The following PIEZO2 variants were observed in gnomAD, a reference collection of about 807,000 sequenced individuals.
PIEZO2 encodes the protein piezo-type mechanosensitive ion channel component 2.
Under a neutral mutation model 337.3 loss-of-function variants are expected in PIEZO2, and 172 were observed. The observed-to-expected ratio is 0.51, with a 90% CI of 0.45 to 0.58. PIEZO2 has a LOEUF of 0.58. PIEZO2 is among the 20% of genes least tolerant of loss of function. The probability of loss-of-function intolerance (pLI) is 0.00; values close to 1 mark genes in which losing one functional copy is unlikely to be tolerated. For missense variants in PIEZO2, 3,028 were observed against 3,391.3 expected (o/e 0.89, Z 2.66); for synonymous variants, 1,251 against 1,228.5 (o/e 1.02, Z -0.38).
chr18:10,731,577 G>A (rs1367153297), intron 35 of PIEZO2, 56 bp from the exon 36 acceptor site: 2 of 1,117,304 alleles, frequency 1.8e-6, no homozygotes, highest in Non-Finnish European at 2.4e-6. Context: ...AAATAAAAGG[G>A]ACCTACACCA....
At chr18:10,926,703 A>C (rs2145166975) in intron 3 of PIEZO2, among the ~76,000 whole-genome samples, 1 of 152,320 alleles carries the variant, frequency 6.6e-6, no homozygotes, top group South Asian at 2.1e-4. Flanking sequence ...TTTTCTGCAC[A>C]CTTGGCAAAA....
intron 4 of PIEZO2, among the ~76,000 whole-genome samples, chr18:10,880,845 TCATATATATATA>T (rs2042391366): frequency 1.3e-5 from 1 of 75,868 alleles, no homozygotes; most frequent in African/African-American, 5.5e-5. Context: ...TTCCCACATA[TCATATATATATA>T]TATATATATA....
chr18:10,715,609 A>C (rs912543433), intron 38 of PIEZO2, 41 bp downstream of exon 38: 2 of 1,460,692 alleles, frequency 1.4e-6, no homozygotes, highest in Non-Finnish European at 1.8e-6. Context: ...ATGTCTTCTT[A>C]ATGTGGGAAG....
rs890561988 is a variant in PIEZO2, at chr18:10,940,699, T to C, written c.287-29471A>G. 5.9e-5 allele frequency among the ~76,000 whole-genome samples: 9 copies of C among 152,098 alleles called. No homozygotes were observed. The highest frequency in any genetic ancestry group is 1.5e-5 in the Non-Finnish European group (1 of 67,996). Reference sequence around the variant, plus strand: ...CAACATGGTGAAACCCTATCTCTACTAAAAAGACAAAAATTAGCTGGGCAT... The same window carrying C: ...CAACATGGTGAAACCCTATCTCTACCAAAAAGACAAAAATTAGCTGGGCAT... On this transcript the variant is annotated intron_variant, in intron 3 of 55. Coordinates refer to ENST00000674853, the MANE Select transcript of PIEZO2 (RefSeq NM_001378183.1). This position sits in a 1 kb window ranked among gnomAD's most constrained non-coding sequence, Gnocchi z 5.3.
At chr18:11,041,862 G>C (rs1445893863) in intron 2 of PIEZO2, among the ~76,000 whole-genome samples, 3 of 152,138 alleles carry the variant, frequency 2.0e-5, no homozygotes, top group African/African-American at 7.2e-5. Flanking sequence ...TACCACTTAG[G>C]GCAAAATGCA....
chr18:11,137,205 G>A (rs945676555), intron 1 of PIEZO2, among the ~76,000 whole-genome samples: 1 of 152,082 alleles, frequency 6.6e-6, no homozygotes, highest in Non-Finnish European at 1.5e-5. Context: ...CAACTGTTTT[G>A]TAAAATCCTG....
At chr18:10,840,591 T>A (rs2041159878) in intron 7 of PIEZO2, among the ~76,000 whole-genome samples, 1 of 152,106 alleles carries the variant, frequency 6.6e-6, no homozygotes, top group African/African-American at 2.4e-5. Flanking sequence ...ATACAAGTAA[T>A]CTATTTATAG....
rs555424241 is a variant in PIEZO2 at position 11,146,964 on chromosome 18, C to A, written c.64+1561G>T. Among the ~76,000 whole-genome samples the A allele has an allele frequency of 7.0e-4, 106 of 152,278 alleles. 2 individuals are homozygous for A. The Middle Eastern group carries it at 0.01, about 15-fold the overall frequency. On this transcript the variant is annotated intron_variant, in intron 1 of 55. Transcript: ENST00000674853. This position sits in a 1 kb window ranked among gnomAD's most constrained non-coding sequence, Gnocchi z 6.1. ...CCCCTCCCCGGTCTGCACTGAGGAC[C>A]ATAAATCACGCTTCATGCTAAAAGC...
chr18:10,949,863 A>G (rs756250181), intron 3 of PIEZO2, among the ~76,000 whole-genome samples: 3 of 152,222 alleles, frequency 2.0e-5, no homozygotes, highest in Non-Finnish European at 4.4e-5. Flanking sequence ...ACTGTCACTG[A>G]TAACAAGACC....
At chr18:10,760,799 C>T (rs2038094769) in intron 24 of PIEZO2, 112 bp downstream of exon 24, 1 of 851,102 alleles carries the variant, frequency 1.2e-6, no homozygotes, top group East Asian at 2.7e-5. Context: ...CTCAAGGGGA[C>T]AGCTATCATG....
intron 1 of PIEZO2, among the ~76,000 whole-genome samples, chr18:11,066,482 C>T (rs756202307): frequency 8.5e-5 from 13 of 152,082 alleles, no homozygotes; most frequent in Non-Finnish European, 1.6e-4. Flanking sequence ...AGGTAAAAGA[C>T]AAAACTATTG....
rs886458578 is a variant in PIEZO2, at chr18:11,009,674, C to T, written c.161-30014G>A. 1.3e-5 allele frequency among the ~76,000 whole-genome samples: 2 copies of T among 152,136 alleles called. No homozygotes were observed. Among genetic ancestry groups the T allele is most frequent in the Admixed American group, 1.3e-4 (2 of 15,270 alleles). ...GGTTAAATCGTGTCCCCTTCATATG[C>T]TAAGTTCATATGTCAAAGTCCTAAC... is the stretch of plus-strand genomic sequence containing the variant. On this transcript the variant is annotated intron_variant, in intron 2 of 55. Coordinates refer to ENST00000674853, the MANE Select transcript of PIEZO2 (RefSeq NM_001378183.1). The surrounding 1 kb of genome is among the most constrained non-coding windows in gnomAD (Gnocchi z 4.6).
rs112834202 is a variant in PIEZO2, at chr18:11,017,016, C to T, written c.161-37356G>A. 5.9e-5 allele frequency among the ~76,000 whole-genome samples: 9 copies of T among 152,302 alleles called. No homozygotes were observed. In the South Asian group the frequency reaches 1.9e-3, roughly 32 times the overall value. The stretch of plus-strand genomic sequence containing the variant: ...TAGAAACAGTCTCAGGTGGAAGAAC[C>T]AGGTACACCAGCCTGGAGAAAACCC... On this transcript the variant is annotated intron_variant, in intron 2 of 55. Coordinates refer to ENST00000674853, the MANE Select transcript of PIEZO2 (RefSeq NM_001378183.1).
chr18:10,770,513 A>C (rs1387146735), intron 20 of PIEZO2, among the ~76,000 whole-genome samples: 1 of 152,182 alleles, frequency 6.6e-6, no homozygotes, highest in Non-Finnish European at 1.5e-5. Context: ...ACTTGGAGGG[A>C]CAATGTGGCT....
chr18:11,021,577 A>C lies in PIEZO2; in HGVS notation c.161-41917T>G, dbSNP rs75695475. 0.021 allele frequency among the ~76,000 whole-genome samples: 3,238 copies of C among 152,254 alleles called. 112 individuals are homozygous for C. The highest frequency in any genetic ancestry group is 0.073 in the African/African-American group (3,049 of 41,530). ...CTTGTGAATTCGTGAGGAGGAACAC[A>C]GTCACCATCGTGAATGAAAACCACC... On this transcript the variant is annotated intron_variant, in intron 2 of 55. Transcript: ENST00000674853. This position sits in a 1 kb window ranked among gnomAD's most constrained non-coding sequence, Gnocchi z 4.7.
Position 10,800,473 on chromosome 18 carries a change from G to C in PIEZO2, c.1242C>G (p.Gly414=). 1 of 1,527,532 alleles carries C rather than the reference G, an allele frequency of 6.5e-7. No individual in the cohort carries two copies. Among genetic ancestry groups the C allele is most frequent in the Non-Finnish European group, 8.8e-7 (1 of 1,142,716 alleles). 94.6% of individuals were successfully genotyped at this position (1,527,532 alleles called of 1,614,324 possible). ...MTQDDYKPSD[G]LLVTVNGNPV... ...GGTTGCCGTTCACAGTCACCAGCAGGCCCTGCCGGGAGTGCAGAGAAAGGG... is the reference window on the plus strand; with the variant it reads ...GGTTGCCGTTCACAGTCACCAGCAGCCCCTGCCGGGAGTGCAGAGAAAGGG... The change falls in exon 11 of 56, where the codon GGC becomes GGG. Residue 414 remains glycine, a splice_region_variant and synonymous_variant. Transcript: ENST00000674853.
chr18:10,912,901 C>A lies in PIEZO2; in HGVS notation c.287-1673G>T, dbSNP rs190242518. ...CAAACACATTTAAAGCAGATTCAGG[C>A]TTATATTTTCACATGAAGTCACTCT... On this transcript the variant is annotated intron_variant, in intron 3 of 55. Coordinates refer to ENST00000674853, the MANE Select transcript of PIEZO2 (RefSeq NM_001378183.1). Among the ~76,000 whole-genome samples the A allele has an allele frequency of 8.7e-4, 132 of 152,110 alleles. 1 individual carries two copies. The highest frequency in any genetic ancestry group is 3.1e-3 in the African/African-American group (128 of 41,534).
intron 2 of PIEZO2, among the ~76,000 whole-genome samples, chr18:10,991,148 G>A (rs2035075755): frequency 1.5e-5 from 2 of 131,320 alleles, no homozygotes; most frequent in South Asian, 2.5e-4. Flanking sequence ...GTTTTTGGAA[G>A]GTTTTATACA....
At chr18:10,708,701 A>T (rs894324106) in intron 39 of PIEZO2, among the ~76,000 whole-genome samples, 2 of 152,230 alleles carry the variant, frequency 1.3e-5, no homozygotes, top group African/African-American at 4.8e-5. Context: ...TGGGACTAAG[A>T]AACAGAAAAA....
Sources: gnomAD v4.1 joint callset for allele counts (sites outside exome capture counted in the v4.1 genomes callset) on GRCh38, gnomAD v4.1.1 for gene constraint, Gnocchi (gnomAD v3.1) non-coding constraint, MANE v1.5 for transcripts, NCBI Gene and HGNC (gene_info 2026-07-23, HGNC 2026-07-21) for gene names.